The following GUCY2C variants were observed in gnomAD, a reference collection of about 807,000 sequenced individuals.
GUCY2C encodes the protein guanylate cyclase 2C, also known as guanylyl cyclase C.
Under a neutral mutation model 131.1 loss-of-function variants are expected in GUCY2C, and 118 were observed. The observed-to-expected ratio is 0.90, with a 90% CI of 0.78 to 1.05. The LOEUF (loss-of-function observed/expected upper bound fraction) is 1.05. Among genes scored for constraint, GUCY2C ranks in the 50% least tolerant of loss-of-function variants. The probability of loss-of-function intolerance (pLI) is 0.00; values close to 1 mark genes in which losing one functional copy is unlikely to be tolerated. For missense variants in GUCY2C, 1,161 were observed against 1,304.4 expected, an observed-to-expected ratio of 0.89 and a Z score of 1.69; for synonymous variants, 452 against 457.8, an observed-to-expected ratio of 0.99 and a Z score of 0.16.
Position 14,616,643 on chromosome 12 carries a change from G to C in GUCY2C, c.2960C>G (p.Thr987Arg), listed in dbSNP as rs1298180822. 6.4e-7 allele frequency: 1 copy of C among 1,572,108 alleles called. No individual in the cohort carries two copies. The highest frequency in any genetic ancestry group is 8.8e-7 in the Non-Finnish European group (1 of 1,141,864). The change falls in exon 25 of 27, where the codon ACA becomes AGA. Residue 987 changes from threonine to arginine, a missense_variant. By Grantham distance (71) the Thr-to-Arg change is moderately conservative. Coordinates refer to ENST00000261170, the MANE Select transcript of GUCY2C (RefSeq NM_004963.4). The part of the protein sequence containing the change: ...CQFLYEVRGE[T>R]YLKGRGNETT... ...CTGTGGACTCCTTACCTTTAAGTAT[G>C]TTTCTCCTCTCACTTCATAAAGGAA... is the stretch of plus-strand genomic sequence containing the variant.
chr12:14,629,031 G>T (rs1200966035), intron 19 of GUCY2C, among the ~76,000 whole-genome samples: 2 of 152,134 alleles, frequency 1.3e-5, no homozygotes, highest in Non-Finnish European at 2.9e-5. Context: ...CAAGTTTTAC[G>T]TTGGAGAGAG....
intron 6 of GUCY2C, 49 bp downstream of exon 6, chr12:14,679,608 A>C: frequency 1.1e-6 from 1 of 907,690 alleles, no homozygotes; most frequent in Non-Finnish European, 1.9e-6. Flanking sequence ...AAATCCTTGG[A>C]ATACTTCCTT....
intron 1 of GUCY2C, among the ~76,000 whole-genome samples, chr12:14,692,774 G>C (rs926311644): frequency 6.6e-6 from 1 of 152,132 alleles, no homozygotes; most frequent in African/African-American, 2.4e-5. Context: ...GCTTGAACCT[G>C]GGAGGCGGAG....
intron 2 of GUCY2C, 64 bp from the exon 3 acceptor site, chr12:14,686,289 AAGT>A: frequency 8.4e-7 from 1 of 1,192,494 alleles, no homozygotes; most frequent in Non-Finnish European, 1.2e-6. Context: ...GACAGGAAAG[AAGT>A]AGCAAGGGGA....
chr12:14,625,623 G>A (rs932544477), intron 21 of GUCY2C, 134 bp downstream of exon 21: 61 of 870,288 alleles, frequency 7.0e-5, no homozygotes, highest in Non-Finnish European at 9.8e-5. Context: ...GTGAGCCTCC[G>A]TGCCTGGCAG....
intron 1 of GUCY2C, among the ~76,000 whole-genome samples, chr12:14,694,045 A>T (rs1409226357): frequency 3.3e-5 from 5 of 152,230 alleles, no homozygotes; most frequent in African/African-American, 1.2e-4. Flanking sequence ...CAGTCAGTGA[A>T]GGAGGTACTT....
intron 10 of GUCY2C, among the ~76,000 whole-genome samples, chr12:14,663,980 C>T (rs568219457): frequency 2.6e-5 from 4 of 152,094 alleles, no homozygotes; most frequent in Non-Finnish European, 5.9e-5. Context: ...TTTGTTTAAT[C>T]ATATTATGTC....
intron 4 of GUCY2C, among the ~76,000 whole-genome samples, 178 bp downstream of exon 4, chr12:14,682,864 A>G (rs1948376857): frequency 6.6e-6 from 1 of 152,208 alleles, no homozygotes; most frequent in Non-Finnish European, 1.5e-5. Context: ...GATTATTTTT[A>G]CAACTCTATA....
chr12:14,639,744 G>A (rs1270542704), intron 19 of GUCY2C, 118 bp downstream of exon 19: 10 of 675,012 alleles, frequency 1.5e-5, no homozygotes, highest in Non-Finnish European at 2.6e-5. Context: ...CTGAACACTT[G>A]ATTTCAGACT....
chr12:14,679,129 A>G (rs1181595443), intron 6 of GUCY2C, among the ~76,000 whole-genome samples: 1 of 152,246 alleles, frequency 6.6e-6, no homozygotes, highest in Non-Finnish European at 1.5e-5. Context: ...TGGGGCTGAC[A>G]TTACCAGGAA....
intron 3 of GUCY2C, among the ~76,000 whole-genome samples, chr12:14,684,734 A>C (rs1948438017): frequency 6.7e-6 from 1 of 149,142 alleles, no homozygotes; most frequent in Non-Finnish European, 1.5e-5. Context: ...CAGTGGTGTG[A>C]TCCTGGATCA....
At chr12:14,678,531 T>C (rs748817420) in intron 6 of GUCY2C, among the ~76,000 whole-genome samples, 1 of 152,220 alleles carries the variant, frequency 6.6e-6, no homozygotes, top group Non-Finnish European at 1.5e-5. Context: ...CTGCCCTCTT[T>C]CCTGTACTTC....
chr12:14,642,498 C>A (rs989035650), intron 17 of GUCY2C, among the ~76,000 whole-genome samples: 1 of 152,162 alleles, frequency 6.6e-6, no homozygotes, highest in Non-Finnish European at 1.5e-5. Flanking sequence ...TTATTTGGTT[C>A]TCTGTCCAAA....
At chr12:14,621,498 A>T (rs942184306) in intron 22 of GUCY2C, among the ~76,000 whole-genome samples, 2 of 152,188 alleles carry the variant, frequency 1.3e-5, no homozygotes, top group Non-Finnish European at 2.9e-5. Context: ...AGTTCTAGAA[A>T]TGTTCAAATA....
At chr12:14,679,550 C>A in intron 6 of GUCY2C, 107 bp downstream of exon 6, 1 of 658,280 alleles carries the variant, frequency 1.5e-6, no homozygotes. Flanking sequence ...CATACTTAAC[C>A]CCATAAGGGG....
rs1180600188 is a variant in GUCY2C at position 14,683,021 on chromosome 12, A to G, written c.611+21T>C. The G allele has an allele frequency of 3.9e-6, 6 of 1,538,284 alleles. No homozygotes were observed. In the African/African-American group the frequency reaches 8.2e-5, roughly 21 times the overall value. ...TTCTCTCCATGGCAAGTGCTAGTGA[A>G]ATATTAATGATCCTGCTTACCAGAA... On this transcript the variant is annotated intron_variant, in intron 4 of 26. Coordinates refer to ENST00000261170, the MANE Select transcript of GUCY2C (RefSeq NM_004963.4).
At chr12:14,687,849 A>G (rs1948501818) in intron 2 of GUCY2C, 102 bp downstream of exon 2, 1 of 704,434 alleles carries the variant, frequency 1.4e-6, no homozygotes, top group Non-Finnish European at 2.6e-6. Context: ...ATGTGGCTAG[A>G]GATGATGGGA....
At chr12:14,636,707 C>T (rs749995992) in intron 19 of GUCY2C, among the ~76,000 whole-genome samples, 1 of 152,100 alleles carries the variant, frequency 6.6e-6, no homozygotes, top group East Asian at 1.9e-4. Flanking sequence ...TCCCTCTTTG[C>T]AGATGATATG....
At chr12:14,666,234 G>A (rs1397546837) in intron 10 of GUCY2C, among the ~76,000 whole-genome samples, 1 of 152,154 alleles carries the variant, frequency 6.6e-6, no homozygotes, top group Non-Finnish European at 1.5e-5. Context: ...CACACATGTG[G>A]CTTTACCCGG....
Sources: allele counts gnomAD v4.1 joint callset (sites outside exome capture counted in the v4.1 genomes callset), GRCh38; gene constraint gnomAD v4.1.1; transcripts MANE v1.5; gene names NCBI Gene and HGNC (gene_info 2026-07-23, HGNC 2026-07-21).